The following SACS variants were observed in gnomAD, a reference collection of about 807,000 sequenced individuals.
SACS encodes sacsin molecular chaperone.
In SACS, 197 loss-of-function variants were observed where a neutral mutation model predicts 348.0. The observed-to-expected ratio is 0.57, with a 90% confidence interval of 0.50 to 0.64. The LOEUF (loss-of-function observed/expected upper bound fraction) is 0.64, where lower values mean the gene tolerates loss of function less well. SACS is among the 30% of genes least tolerant of loss of function. The pLI is 0.00. For missense variants in SACS, 4,999 were observed against 5,360.8 expected, an observed-to-expected ratio of 0.93 and a Z score of 2.11; for synonymous variants, 1,985 against 1,910.6, an observed-to-expected ratio of 1.04 and a Z score of -1.02.
chr13:23,340,571 T>C lies in SACS; in HGVS notation c.3305A>G (p.Asp1102Gly), dbSNP rs1209249078. Reference sequence around the variant, plus strand: ...AATTTTTTTTGCCACTTGCACAACATCCTTTTCTTTGAGACTGGCTTCGTT... The same window carrying C: ...AATTTTTTTTGCCACTTGCACAACACCCTTTTCTTTGAGACTGGCTTCGTT... ...LKNEASLKEK[D>G]VVQVAKKIEA... Residue 1102 changes from aspartate to glycine, a missense_variant, in exon 10 of 10, where the codon GAT becomes GGT. Coordinates refer to ENST00000382292, the MANE Select transcript of SACS (RefSeq NM_014363.6). 1 of 1,613,680 alleles carries C rather than the reference T, an allele frequency of 6.2e-7. No homozygotes were observed. Among genetic ancestry groups the C allele is most frequent in the Non-Finnish European group, 8.5e-7 (1 of 1,179,900 alleles).
At position 23,335,485 on chromosome 13, in the gene SACS, T is replaced by TG; in HGVS notation, c.8390_8391insC (p.Pro2798ThrfsTer12). 2.5e-6 allele frequency: 4 copies of TG among 1,613,730 alleles called. No individual in the cohort carries two copies. Among genetic ancestry groups the TG allele is most frequent in the Non-Finnish European group, 3.4e-6 (4 of 1,179,880 alleles). On this transcript the variant is annotated frameshift_variant, in exon 10 of 10. Coordinates refer to ENST00000382292, the MANE Select transcript of SACS (RefSeq NM_014363.6). LOFTEE classifies it high-confidence loss of function. The surrounding 1 kb of genome is among the most constrained non-coding windows in gnomAD (Gnocchi z 4.7). ...TAGTATAGGTTATTTGTTGAACTGG[T>TG]ATGTCTTTGAGCTGCCTCTTTTTAG...
At chr13:23,374,527 C>G (rs1871618601) in intron 3 of SACS, among the ~76,000 whole-genome samples, 1 of 152,222 alleles carries the variant, frequency 6.6e-6, no homozygotes, top group Admixed American at 6.5e-5. Context: ...CAACTGAACT[C>G]TCCCTTTAAG....
At chr13:23,408,736 C>A (rs9317676) in intron 2 of SACS, among the ~76,000 whole-genome samples, 2 of 152,012 alleles carry the variant, frequency 1.3e-5, no homozygotes, top group Non-Finnish European at 2.9e-5. Flanking sequence ...GAGGCCGAGG[C>A]GGGTGGATCA....
At chr13:23,417,353 TAAG>T (rs968040056) in intron 1 of SACS, among the ~76,000 whole-genome samples, 2 of 152,170 alleles carry the variant, frequency 1.3e-5, no homozygotes, top group African/African-American at 4.8e-5. Flanking sequence ...AGACACTACT[TAAG>T]AAGAAGAGGG....
In SACS at chr13:23,355,199, A is replaced by G; in HGVS notation, c.1413T>C (p.Thr471=). ...PVHISGFFGL[T]DNRRSIKWRE... is the part of the protein sequence containing the mutation. Reference sequence around the variant, plus strand: ...TCCATTTTATGCTCCTGCGGTTATCAGTAAGGCCAAAGAACCCACTGATGT... The same window carrying G: ...TCCATTTTATGCTCCTGCGGTTATCGGTAAGGCCAAAGAACCCACTGATGT... Residue 471 remains threonine (T), a synonymous_variant, in exon 8 of 10, where the codon ACT becomes ACC. Coordinates refer to ENST00000382292, the MANE Select transcript of SACS (RefSeq NM_014363.6). The G allele has an allele frequency of 6.2e-7, 1 of 1,614,176 alleles. No individual in the cohort carries two copies. Among genetic ancestry groups the G allele is most frequent in the Non-Finnish European group, 8.5e-7 (1 of 1,180,024 alleles).
chr13:23,339,189 C>T lies in SACS; in HGVS notation c.4687G>A (p.Val1563Met). The T allele has an allele frequency of 1.2e-6, 2 of 1,612,982 alleles. No individual in the cohort carries two copies. The highest frequency in any genetic ancestry group is 1.7e-6 in the Non-Finnish European group (2 of 1,179,476). Residue 1563 changes from valine to methionine, a missense_variant, in exon 10 of 10, where the codon GTG becomes ATG. Coordinates refer to ENST00000382292, the MANE Select transcript of SACS (RefSeq NM_014363.6). ...ATGGGAATGTCAGTGATATGGTACA[C>T]AGAATTAAATCCAAGACCAAATTTT... ...VGKFGLGFNSVYHITDIPIIM... is the reference protein window; with the variant it reads ...VGKFGLGFNSMYHITDIPIIM...
Position 23,339,430 on chromosome 13 carries a change from AAGT to A in SACS, c.4443_4445del (p.Leu1482del), listed in dbSNP as rs1168880147. 6.2e-7 allele frequency: 1 copy of A among 1,606,120 alleles called. No homozygotes were observed. The highest frequency in any genetic ancestry group is 8.5e-7 in the Non-Finnish European group (1 of 1,177,252). Reference sequence around the variant, plus strand: ...TTGCATTTGCATCATCAGCGTTTTGAAGTAGTTCTTTAAAAATATCTGACACTG... The same window carrying A: ...TTGCATTTGCATCATCAGCGTTTTGAAGTTCTTTAAAAATATCTGACACTG... On this transcript the variant is annotated inframe_deletion, in exon 10 of 10. Coordinates refer to ENST00000382292, the MANE Select transcript of SACS (RefSeq NM_014363.6).
intron 1 of SACS, among the ~76,000 whole-genome samples, chr13:23,413,235 C>A (rs1873566364): frequency 6.6e-6 from 1 of 152,200 alleles, no homozygotes; most frequent in Admixed American, 6.5e-5. Flanking sequence ...GCCCTAGCCT[C>A]CCAAAGTGCT....
chr13:23,420,611 G>C (rs905143857), intron 1 of SACS, among the ~76,000 whole-genome samples: 1 of 152,062 alleles, frequency 6.6e-6, no homozygotes, highest in African/African-American at 2.4e-5. Context: ...CTTGATTTCA[G>C]CTGGGCCCTG....
In SACS at chr13:23,340,203, AG is replaced by A; in HGVS notation, c.3672del (p.Leu1225Ter). 6.2e-7 allele frequency: 1 copy of A among 1,611,450 alleles called. No homozygotes were observed. The highest frequency in any genetic ancestry group is 8.5e-7 in the Non-Finnish European group (1 of 1,178,454). Reference protein sequence around the residue: ...GIFTKPSLSAVLKHFKIVVDW... With the variant: ...GIFTKPSLSAXLKHFKIVVDW... ...TCAACAACAATTTTAAAGTGTTTTAAGACAGCACTAAGGCTAGGTTTTGTGA... is the reference window on the plus strand; with the variant it reads ...TCAACAACAATTTTAAAGTGTTTTAAACAGCACTAAGGCTAGGTTTTGTGA... On this transcript the variant is annotated frameshift_variant, in exon 10 of 10. Coordinates refer to ENST00000382292, the MANE Select transcript of SACS (RefSeq NM_014363.6). LOFTEE classifies it high-confidence loss of function.
intron 2 of SACS, among the ~76,000 whole-genome samples, chr13:23,388,310 G>A (rs1450498676): frequency 7.4e-5 from 11 of 148,962 alleles, no homozygotes; most frequent in Admixed American, 5.4e-4. Context: ...CTCCAGCGTG[G>A]GTGACAGAGC....
chr13:23,389,218 T>C (rs1203778703), intron 2 of SACS, among the ~76,000 whole-genome samples: 4 of 152,090 alleles, frequency 2.6e-5, no homozygotes, highest in African/African-American at 9.7e-5. Context: ...CCTGTGTATA[T>C]ATATAGCCTG....
At chr13:23,416,582 A>G (rs1873700507) in intron 1 of SACS, among the ~76,000 whole-genome samples, 1 of 151,640 alleles carries the variant, frequency 6.6e-6, no homozygotes, top group African/African-American at 2.4e-5. Context: ...ACTTGGTGAA[A>G]CCCCGTCTCT....
intron 3 of SACS, among the ~76,000 whole-genome samples, chr13:23,372,742 A>T (rs1453605186): frequency 6.6e-6 from 1 of 152,106 alleles, no homozygotes; most frequent in Non-Finnish European, 1.5e-5. Context: ...ATCTCTGATG[A>T]TTACGTCTTT....
chr13:23,367,655 C>T (rs545280050), intron 5 of SACS, among the ~76,000 whole-genome samples: 3 of 152,208 alleles, frequency 2.0e-5, no homozygotes, highest in East Asian at 3.9e-4. Context: ...AGTGCAGTGG[C>T]GCAATCTCGG....
chr13:23,346,295 C>T (rs1237665715), intron 9 of SACS, among the ~76,000 whole-genome samples: 1 of 152,156 alleles, frequency 6.6e-6, no homozygotes, highest in African/African-American at 2.4e-5. Context: ...AAGGTGCCTG[C>T]CACCACGCCT....
chr13:23,335,746 A>C lies in SACS; in HGVS notation c.8130T>G (p.Val2710=). The change falls in exon 10 of 10, where the codon GTT becomes GTG. Residue 2710 remains valine (V), a synonymous_variant. Coordinates refer to ENST00000382292, the MANE Select transcript of SACS (RefSeq NM_014363.6). This position sits in a 1 kb window ranked among gnomAD's most constrained non-coding sequence, Gnocchi z 4.7. ...ATGCTGGAACAGACGAAATTTCCGA[A>C]ACTTTTGCCATTTCTGCATTACGAA... ...FPLRNAEMAK[V]SEISSVPASD... The C allele has an allele frequency of 6.2e-7, 1 of 1,614,000 alleles. No homozygotes were observed.
Position 23,359,177 on chromosome 13 carries a change from G to A in SACS, c.458-696C>T, listed in dbSNP as rs550486833. ...AGCCTGGGCAACAGAGCAAGATTCCGTCTCAAAAAAAAAGAAAAAAGAAAA... is the reference window on the plus strand; with the variant it reads ...AGCCTGGGCAACAGAGCAAGATTCCATCTCAAAAAAAAAGAAAAAAGAAAA... On this transcript the variant is annotated intron_variant, in intron 6 of 9. Transcript: ENST00000382292. 4.1e-4 allele frequency among the ~76,000 whole-genome samples: 62 copies of A among 151,266 alleles called. 1 individual carries two copies. The highest frequency in any genetic ancestry group is 3.9e-3 in the South Asian group (19 of 4,818).
At chr13:23,401,687 G>A (rs1021413438) in intron 2 of SACS, among the ~76,000 whole-genome samples, 31 of 152,160 alleles carry the variant, frequency 2.0e-4, no homozygotes, top group African/African-American at 7.0e-4. Flanking sequence ...CTCTTTAACC[G>A]TCTTAAGGCT....
Sources: allele counts gnomAD v4.1 joint callset (sites outside exome capture counted in the v4.1 genomes callset), GRCh38; gene constraint gnomAD v4.1.1; non-coding constraint Gnocchi (gnomAD v3.1); transcripts MANE v1.5; gene names NCBI Gene and HGNC (gene_info 2026-07-23, HGNC 2026-07-21).